The following TNFRSF13B variants were observed in gnomAD, a reference collection of about 807,000 sequenced individuals.
TNFRSF13B encodes TNF receptor superfamily member 13B, also known as tumor necrosis factor receptor superfamily member 13B.
In TNFRSF13B, 34 loss-of-function variants were observed where a neutral mutation model predicts 24.0. The observed-to-expected ratio is 1.41, with a 90% CI of 1.08 to 1.88. TNFRSF13B has a LOEUF of 1.88. Ranked by LOEUF, TNFRSF13B falls within the 40% of genes most tolerant of loss-of-function variation. TNFRSF13B has a pLI of 0.00. For synonymous variants in TNFRSF13B, 173 were observed against 150.3 expected (o/e 1.15, Z -1.10); for missense variants, 415 against 380.8 (o/e 1.09, Z -0.75).
chr17:16,968,147 A>G (rs912167695), intron 1 of TNFRSF13B, among the ~76,000 whole-genome samples: 4 of 136,120 alleles, frequency 2.9e-5, no homozygotes, highest in Non-Finnish European at 6.3e-5. Flanking sequence ...GTCTCAAAAA[A>G]AAAAAAAAAG....
At chr17:16,963,762 G>A (rs980080443) in intron 1 of TNFRSF13B, among the ~76,000 whole-genome samples, 7 of 152,140 alleles carry the variant, frequency 4.6e-5, no homozygotes, top group Non-Finnish European at 8.8e-5. Context: ...GTGTTAGCCA[G>A]GATGGTCTCG....
intron 3 of TNFRSF13B, chr17:16,941,332 G>T (rs920177350): frequency 4.0e-6 from 4 of 987,706 alleles, no homozygotes; most frequent in Middle Eastern, 5.6e-4. Context: ...GGGCATCAGG[G>T]CACCTGGCCA....
intron 1 of TNFRSF13B, among the ~76,000 whole-genome samples, chr17:16,967,770 A>AAAAAAAAAAAAAAAAAG (rs1567657178): frequency 3.4e-5 from 5 of 146,694 alleles, no homozygotes; most frequent in African/African-American, 1.3e-4. Flanking sequence ...AAAAAAAAAA[A>AAAAAAAAAAAAAAAAAG]AAGAAAGAAA....
chr17:16,943,632 C>T (rs998089873), intron 3 of TNFRSF13B, among the ~76,000 whole-genome samples: 7 of 152,182 alleles, frequency 4.6e-5, no homozygotes, highest in Non-Finnish European at 8.8e-5. Flanking sequence ...GCCCCTGCCC[C>T]CAGCAGGACA....
At position 16,939,458 on chromosome 17, in the gene TNFRSF13B, C is replaced by G; in HGVS notation, c.*89G>C. The G allele has an allele frequency of 6.9e-7, 1 of 1,444,662 alleles. No individual in the cohort carries two copies. Among genetic ancestry groups the G allele is most frequent in the South Asian group, 1.3e-5 (1 of 75,164 alleles). 89.5% of individuals were successfully genotyped at this position (1,444,662 alleles called of 1,614,324 possible). On this transcript the variant is annotated 3_prime_UTR_variant, in exon 5 of 5. Transcript: ENST00000261652. The stretch of plus-strand genomic sequence containing the variant: ...TCTCTGCCTCCTCTGTCTCTCTCTC[C>G]TCATATCTCTCTCCCCTCTCCCCAC...
intron 1 of TNFRSF13B, among the ~76,000 whole-genome samples, chr17:16,970,956 G>A (rs1475622019): frequency 6.6e-6 from 1 of 152,198 alleles, no homozygotes; most frequent in African/African-American, 2.4e-5. Context: ...CAGAGGCTGT[G>A]AATCTAGGCT....
At chr17:16,958,863 T>C (rs2087642761) in intron 1 of TNFRSF13B, among the ~76,000 whole-genome samples, 1 of 152,024 alleles carries the variant, frequency 6.6e-6, no homozygotes, top group Non-Finnish European at 1.5e-5. Context: ...CCTACACTAA[T>C]ATTGGGATAT....
chr17:16,965,866 T>G (rs1259151294), intron 1 of TNFRSF13B, among the ~76,000 whole-genome samples: 1 of 152,222 alleles, frequency 6.6e-6, no homozygotes, highest in Non-Finnish European at 1.5e-5. Flanking sequence ...TTTTTTTACA[T>G]CATCAAAGTG....
At chr17:16,950,115 T>A in intron 2 of TNFRSF13B, among the ~76,000 whole-genome samples, 1 of 152,278 alleles carries the variant, frequency 6.6e-6, no homozygotes, top group Admixed American at 6.5e-5. Flanking sequence ...TAAATAAATA[T>A]GTATAAATAA....
chr17:16,972,087 C>T lies in TNFRSF13B; in HGVS notation c.-12G>A. The T allele has an allele frequency of 6.2e-7, 1 of 1,613,728 alleles. No individual in the cohort carries two copies. The stretch of plus-strand genomic sequence containing the variant: ...CCCAGGCCACTCATTACTCAGGATG[C>T]TTATTACTAGTCTTAGATTTGATTA... On this transcript the variant is annotated 5_prime_UTR_variant, in exon 1 of 5. Transcript: ENST00000261652.
intron 3 of TNFRSF13B, among the ~76,000 whole-genome samples, chr17:16,943,328 A>C (rs1418847401): frequency 1.3e-5 from 2 of 152,314 alleles, no homozygotes; most frequent in African/African-American, 2.4e-5. Flanking sequence ...GGAGTGATGC[A>C]GCCACAAGCC....
intron 1 of TNFRSF13B, among the ~76,000 whole-genome samples, chr17:16,965,125 G>A (rs937161879): frequency 1.3e-5 from 2 of 151,898 alleles, no homozygotes; most frequent in Non-Finnish European, 2.9e-5. Context: ...ATTTTCTTTT[G>A]TAGAGACAGG....
chr17:16,945,975 A>G (rs1180048439), intron 3 of TNFRSF13B, among the ~76,000 whole-genome samples: 1 of 152,164 alleles, frequency 6.6e-6, no homozygotes, highest in Non-Finnish European at 1.5e-5. Flanking sequence ...TCGTCATGAG[A>G]TGGACGCACC....
At chr17:16,948,646 A>G (rs919384315) in intron 3 of TNFRSF13B, 92 bp downstream of exon 3, 9 of 1,580,902 alleles carry the variant, frequency 5.7e-6, no homozygotes, top group Non-Finnish European at 6.9e-6. Context: ...GGCTTCATGC[A>G]TTGTGGACTC....
chr17:16,961,911 G>T (rs935219949), intron 1 of TNFRSF13B, among the ~76,000 whole-genome samples: 2 of 152,160 alleles, frequency 1.3e-5, no homozygotes, highest in Non-Finnish European at 2.9e-5. Flanking sequence ...TTGCTCCACT[G>T]AATCTGGGGA....
At chr17:16,962,488 C>T (rs1290549758) in intron 1 of TNFRSF13B, among the ~76,000 whole-genome samples, 1 of 148,706 alleles carries the variant, frequency 6.7e-6, no homozygotes, top group African/African-American at 2.5e-5. Context: ...GCCTGGGCCA[C>T]AGAGTGAGAC....
chr17:16,968,854 G>T (rs1206958304), intron 1 of TNFRSF13B, among the ~76,000 whole-genome samples: 1 of 152,164 alleles, frequency 6.6e-6, no homozygotes, highest in African/African-American at 2.4e-5. Context: ...ACAGAATAAT[G>T]AAAAGGCAAC....
chr17:16,967,551 C>T (rs2143688541), intron 1 of TNFRSF13B, among the ~76,000 whole-genome samples: 1 of 150,274 alleles, frequency 6.7e-6, no homozygotes, highest in Admixed American at 6.6e-5. Context: ...TCAGGCTAAC[C>T]TGACCTAACA....
chr17:16,967,216 A>G (rs947901126), intron 1 of TNFRSF13B, among the ~76,000 whole-genome samples: 1 of 152,212 alleles, frequency 6.6e-6, no homozygotes, highest in African/African-American at 2.4e-5. Context: ...TGAGTAAATT[A>G]CAGTACATTT....
Sources: gnomAD v4.1 joint callset for allele counts (sites outside exome capture counted in the v4.1 genomes callset) on GRCh38, gnomAD v4.1.1 for gene constraint, MANE v1.5 for transcripts, NCBI Gene and HGNC (gene_info 2026-07-23, HGNC 2026-07-21) for gene names.